The following KLHL1 variants were observed in gnomAD, a reference collection of about 807,000 sequenced individuals.
KLHL1 encodes kelch-like protein 1.
A neutral mutation model predicts 77.7 loss-of-function variants in KLHL1; 47 were observed. The ratio of observed to expected loss-of-function variants is 0.60; its 90% CI spans 0.48 to 0.77. The LOEUF is 0.77. Ranked by LOEUF, KLHL1 falls within the 30% of genes least tolerant of loss-of-function variation. KLHL1 has a pLI of 0.00. For synonymous variants in KLHL1, 360 were observed against 325.2 expected (o/e 1.11, Z -1.15); for missense variants, 925 against 910.8 (o/e 1.02, Z -0.20).
At chr13:69,980,227 C>G (rs529520802) in intron 1 of KLHL1, among the ~76,000 whole-genome samples, 1 of 152,264 alleles carries the variant, frequency 6.6e-6, no homozygotes, top group African/African-American at 2.4e-5. Flanking sequence ...GTTACTTCCT[C>G]AAGGAAATAT....
chr13:69,857,544 A>G (rs1879967740), intron 5 of KLHL1, among the ~76,000 whole-genome samples: 1 of 152,078 alleles, frequency 6.6e-6, no homozygotes, highest in African/African-American at 2.4e-5. Flanking sequence ...TAAAATACTC[A>G]CAAGAATATG....
chr13:69,855,232 C>T (rs1195095351), intron 5 of KLHL1, among the ~76,000 whole-genome samples: 1 of 151,812 alleles, frequency 6.6e-6, no homozygotes, highest in Non-Finnish European at 1.5e-5. Context: ...GACTTTGTGT[C>T]AGAGAGTGAT....
chr13:69,772,607 T>C (rs927772650), intron 7 of KLHL1, among the ~76,000 whole-genome samples: 20 of 152,206 alleles, frequency 1.3e-4, no homozygotes, highest in African/African-American at 3.6e-4. Context: ...AAATATTATG[T>C]TGATCAACAC....
At chr13:70,007,383 T>C (rs897348968) in intron 1 of KLHL1, among the ~76,000 whole-genome samples, 12 of 152,068 alleles carry the variant, frequency 7.9e-5, no homozygotes, top group African/African-American at 2.6e-4. Context: ...TAGGTATATA[T>C]TGATACACAT....
At chr13:70,075,497 C>A (rs1483120184) in intron 1 of KLHL1, among the ~76,000 whole-genome samples, 2 of 143,990 alleles carry the variant, frequency 1.4e-5, no homozygotes, top group Admixed American at 1.4e-4. Flanking sequence ...AAGCAAATAA[C>A]AATTAATATA....
At chr13:70,006,763 G>A (rs1885417446) in intron 1 of KLHL1, among the ~76,000 whole-genome samples, 1 of 151,830 alleles carries the variant, frequency 6.6e-6, no homozygotes, top group African/African-American at 2.4e-5. Flanking sequence ...GACAGCACTA[G>A]ATTACTATTG....
At chr13:69,751,814 C>T (rs1218530759) in intron 7 of KLHL1, among the ~76,000 whole-genome samples, 2 of 151,992 alleles carry the variant, frequency 1.3e-5, no homozygotes, top group Non-Finnish European at 2.9e-5. Context: ...GTGGCCATGC[C>T]AAATAATGTA....
chr13:69,727,008 C>T (rs897702389), intron 8 of KLHL1, among the ~76,000 whole-genome samples: 1 of 151,850 alleles, frequency 6.6e-6, no homozygotes, highest in African/African-American at 2.4e-5. Flanking sequence ...GTTTAAGTTC[C>T]ACTGAAGCAA....
At chr13:69,780,746 A>G (rs1203173915) in intron 7 of KLHL1, among the ~76,000 whole-genome samples, 5 of 63,804 alleles carry the variant, frequency 7.8e-5, no homozygotes, top group Admixed American at 1.4e-4. Flanking sequence ...ATATATATAC[A>G]TATATATATA....
At chr13:69,931,410 A>G (rs1005755212) in intron 4 of KLHL1, among the ~76,000 whole-genome samples, 4 of 151,770 alleles carry the variant, frequency 2.6e-5, no homozygotes, top group Non-Finnish European at 5.9e-5. Context: ...CATTGCCCAA[A>G]TTAACTTTGT....
intron 3 of KLHL1, among the ~76,000 whole-genome samples, chr13:69,941,438 A>T (rs1883363052): frequency 6.6e-6 from 1 of 152,104 alleles, no homozygotes; most frequent in African/African-American, 2.4e-5. Flanking sequence ...CCTGTGGTAT[A>T]CAGCAAAAGT....
chr13:69,973,512 G>A (rs896494842), intron 2 of KLHL1, among the ~76,000 whole-genome samples: 1 of 151,536 alleles, frequency 6.6e-6, no homozygotes, highest in African/African-American at 2.4e-5. Flanking sequence ...TAGTGGTAAT[G>A]ATTCCAACAC....
At chr13:70,009,799 T>G (rs1017324259) in intron 1 of KLHL1, among the ~76,000 whole-genome samples, 3 of 152,160 alleles carry the variant, frequency 2.0e-5, no homozygotes, top group African/African-American at 7.2e-5. Flanking sequence ...ATTGCCAATT[T>G]GGATCCATAG....
chr13:69,768,588 A>T (rs1002450362), intron 7 of KLHL1, among the ~76,000 whole-genome samples: 2 of 152,114 alleles, frequency 1.3e-5, no homozygotes, highest in Non-Finnish European at 2.9e-5. Flanking sequence ...AACATTGAGA[A>T]AATTTTCTCT....
chr13:69,924,718 C>G (rs576772350), intron 4 of KLHL1, among the ~76,000 whole-genome samples: 129 of 152,320 alleles, frequency 8.5e-4, no homozygotes, highest in African/African-American at 2.8e-3. Context: ...TTGTGTACAA[C>G]AAGAAGGAGA....
At position 69,921,187 on chromosome 13, in the gene KLHL1, G is replaced by A. The variant is rs116025818; in HGVS notation, c.1014+18853C>T. Among the ~76,000 whole-genome samples the A allele has an allele frequency of 7.2e-3, 1,097 of 152,242 alleles. 9 individuals are homozygous for A. Among genetic ancestry groups the A allele is most frequent in the African/African-American group, 0.024 (993 of 41,544 alleles). ...AAAAACCTATTTGGCAAAAAGAAAC[G>A]TTATAAACATCTTACTGGAATCTGA... On this transcript the variant is annotated intron_variant, in intron 4 of 10. Coordinates refer to ENST00000377844, the MANE Select transcript of KLHL1 (RefSeq NM_020866.3).
chr13:69,830,290 G>C (rs1458427422), intron 6 of KLHL1, among the ~76,000 whole-genome samples: 2 of 150,116 alleles, frequency 1.3e-5, no homozygotes, highest in Admixed American at 1.3e-4. Context: ...AAGTGAACAG[G>C]AGTAGCTATT....
In KLHL1 at chr13:69,818,867, G is replaced by T. The variant is rs368748328; in HGVS notation, c.1414+20109C>A. Among the ~76,000 whole-genome samples, 4 of 152,142 alleles carry T rather than the reference G, an allele frequency of 2.6e-5. No individual in the cohort carries two copies. The East Asian group carries it at 7.7e-4, about 29-fold the overall frequency. On this transcript the variant is annotated intron_variant, in intron 6 of 10. Coordinates refer to ENST00000377844, the MANE Select transcript of KLHL1 (RefSeq NM_020866.3). ...AACATCAAGTAGGGCAGTACTCAAA[G>T]GGGCAAATATGAAAAAATAACCCTT...
At chr13:69,866,827 T>G (rs1165710149) in intron 5 of KLHL1, among the ~76,000 whole-genome samples, 2 of 152,164 alleles carry the variant, frequency 1.3e-5, no homozygotes, top group Non-Finnish European at 2.9e-5. Context: ...TTAGAGGTAA[T>G]AAGAGGGCTT....
Sources: allele counts gnomAD v4.1 joint callset (sites outside exome capture counted in the v4.1 genomes callset), GRCh38; gene constraint gnomAD v4.1.1; transcripts MANE v1.5; gene names NCBI Gene and HGNC (gene_info 2026-07-23, HGNC 2026-07-21).